The following SLC25A21 variants were observed in gnomAD, a reference collection of about 807,000 sequenced individuals.
The protein encoded by SLC25A21 is solute carrier family 25 member 21.
Under a neutral mutation model 43.8 loss-of-function variants are expected in SLC25A21, and 47 were observed. The ratio of observed to expected loss-of-function variants is 1.07; its 90% CI spans 0.85 to 1.37. The LOEUF is 1.37. Among genes scored for constraint, SLC25A21 ranks in the 40% most tolerant of loss-of-function variants. The pLI is 0.00. For synonymous variants in SLC25A21, 131 were observed against 121.3 expected, an observed-to-expected ratio of 1.08 and a Z score of -0.52; for missense variants, 352 against 350.2, an observed-to-expected ratio of 1.00 and a Z score of -0.04.
Position 36,697,738 on chromosome 14 carries a change from C to CTTTTTTTTTTTTTTTTTTT in SLC25A21, c.604-12814_604-12813insAAAAAAAAAAAAAAAAAAA, listed in dbSNP as rs757711209. Among the ~76,000 whole-genome samples the CTTTTTTTTTTTTTTTTTTT allele has an allele frequency of 3.0e-4, 34 of 111,624 alleles. 1 individual carries two copies. The highest frequency in any genetic ancestry group is 6.2e-4 in the South Asian group (2 of 3,206). 73.2% of individuals were successfully genotyped at this position (111,624 alleles called of 152,430 possible). On this transcript the variant is annotated intron_variant, in intron 7 of 9. Transcript: ENST00000331299. ...TCTGAGACTAGGATTGCAAGCCCTACTTTTTTTTTTTGCTTTCCATTTGCT... is the reference window on the plus strand; with the variant it reads ...TCTGAGACTAGGATTGCAAGCCCTACTTTTTTTTTTTTTTTTTTTTTTTTTTTTTTGCTTTCCATTTGCT...
intron 2 of SLC25A21, among the ~76,000 whole-genome samples, chr14:36,827,332 GAGAA>G (rs1020122841): frequency 5.9e-5 from 9 of 152,118 alleles, no homozygotes; most frequent in Admixed American, 1.3e-4. Flanking sequence ...TGGAAGAAAA[GAGAA>G]AGAAAGAAAA....
At chr14:36,972,387 T>C (rs1289684710) in intron 1 of SLC25A21, among the ~76,000 whole-genome samples, 1 of 152,236 alleles carries the variant, frequency 6.6e-6, no homozygotes, top group Non-Finnish European at 1.5e-5. Flanking sequence ...TGTATAAATA[T>C]GCTGGATACC....
intron 1 of SLC25A21, among the ~76,000 whole-genome samples, chr14:36,927,046 T>C (rs769717539): frequency 1.3e-5 from 2 of 152,132 alleles, no homozygotes; most frequent in Non-Finnish European, 2.9e-5. Flanking sequence ...CGTGTGTGCC[T>C]GTTGTCCCAG....
intron 1 of SLC25A21, among the ~76,000 whole-genome samples, chr14:36,884,977 C>T (rs2682834): frequency 0.8 from 122,388 of 152,120 alleles, 49,903 homozygotes; most frequent in Non-Finnish European, 0.87. Context: ...TTTAGTTTGG[C>T]GCAATTCCAT....
chr14:37,059,857 A>C (rs1311532509), intron 1 of SLC25A21, among the ~76,000 whole-genome samples: 2 of 152,154 alleles, frequency 1.3e-5, no homozygotes, highest in Non-Finnish European at 2.9e-5. Flanking sequence ...TCCAGATCCA[A>C]ACCTGGAAAC....
intron 3 of SLC25A21, among the ~76,000 whole-genome samples, chr14:36,780,507 C>T (rs1887015911): frequency 6.6e-6 from 1 of 151,926 alleles, no homozygotes; most frequent in Non-Finnish European, 1.5e-5. Context: ...TTGCTGCATT[C>T]CATAAGTTTT....
chr14:36,737,460 C>T (rs993926688), intron 3 of SLC25A21, among the ~76,000 whole-genome samples: 1 of 152,134 alleles, frequency 6.6e-6, no homozygotes, highest in Non-Finnish European at 1.5e-5. Flanking sequence ...CCCCTCCTCC[C>T]ATACCACCAT....
intron 1 of SLC25A21, among the ~76,000 whole-genome samples, chr14:36,944,319 T>C (rs17105737): frequency 0.043 from 6,591 of 152,194 alleles, 289 homozygotes; most frequent in Middle Eastern, 0.14. Context: ...CAGTGGGCTT[T>C]GAGAAATTGT....
intron 1 of SLC25A21, among the ~76,000 whole-genome samples, chr14:37,052,657 G>A (rs1229399588): frequency 2.1e-5 from 3 of 146,232 alleles, no homozygotes; most frequent in Admixed American, 6.8e-5. Flanking sequence ...TTTTCCCCCC[G>A]AGACAGAGTC....
At chr14:36,970,480 T>C (rs952242311) in intron 1 of SLC25A21, among the ~76,000 whole-genome samples, 12 of 152,226 alleles carry the variant, frequency 7.9e-5, no homozygotes, top group African/African-American at 2.9e-4. Flanking sequence ...TTTTAATTAC[T>C]AGTATAATAA....
chr14:36,981,775 C>T (rs894081791), intron 1 of SLC25A21, among the ~76,000 whole-genome samples: 5 of 152,080 alleles, frequency 3.3e-5, no homozygotes, highest in African/African-American at 7.2e-5. Flanking sequence ...CAACATGGCA[C>T]ATGTATACAT....
Position 36,678,595 on chromosome 14 carries a change from C to A in SLC25A21, c.*2063G>T. The A allele has an allele frequency of 6.6e-7, 1 of 1,508,808 alleles. No individual in the cohort carries two copies. The highest frequency in any genetic ancestry group is 8.8e-7 in the Non-Finnish European group (1 of 1,133,696). The allele number at this position is 1,508,808 out of a possible 1,614,324, so 93.5% of individuals were successfully genotyped here. A position where few individuals can be genotyped will look rare whatever the true frequency, so the allele number is the denominator to read the frequency against. ...AGGGACTCTCCTGTCATCTGAAAAA[C>A]TGATGTAAGGTACAGAACTATTCTT... is the stretch of plus-strand genomic sequence containing the variant. On this transcript the variant is annotated 3_prime_UTR_variant, in exon 10 of 10. Coordinates refer to ENST00000331299, the MANE Select transcript of SLC25A21 (RefSeq NM_030631.4).
intron 7 of SLC25A21, among the ~76,000 whole-genome samples, chr14:36,695,252 T>A (rs1471790936): frequency 6.6e-6 from 1 of 152,198 alleles, no homozygotes; most frequent in Non-Finnish European, 1.5e-5. Context: ...AGGCCTCTGT[T>A]CTGTTCCATT....
chr14:36,764,143 G>GGAAAGAAA lies in SLC25A21; in HGVS notation c.204-29578_204-29571dup, dbSNP rs1233360789. ...AGGAAAGAAGGAAAGAAGGAAAGAA[G>GGAAAGAAA]GAAAGAAAGAAAGAAAGAAAGAAAG... On this transcript the variant is annotated intron_variant, in intron 3 of 9. Coordinates refer to ENST00000331299, the MANE Select transcript of SLC25A21 (RefSeq NM_030631.4). Among the ~76,000 whole-genome samples the GGAAAGAAA allele has an allele frequency of 3.5e-3, 119 of 33,842 alleles. 1 individual carries two copies. The highest frequency in any genetic ancestry group is 5.3e-3 in the Admixed American group (13 of 2,464). The allele number at this position is 33,842 out of a possible 152,430, so 22.2% of individuals were successfully genotyped here. A position where few individuals can be genotyped will look rare whatever the true frequency, so the allele number is the denominator to read the frequency against.
At chr14:37,097,285 G>A (rs1962716965) in intron 1 of SLC25A21, 2 of 151,936 alleles carry the variant, frequency 1.3e-5, no homozygotes, top group South Asian at 2.1e-4. Flanking sequence ...ATTTTTAGTA[G>A]GGACAGCATT....
chr14:37,102,537 T>C (rs1467895512), intron 1 of SLC25A21, among the ~76,000 whole-genome samples: 1 of 152,108 alleles, frequency 6.6e-6, no homozygotes, highest in Admixed American at 6.6e-5. Context: ...AGCTGTTGCA[T>C]TATTACTGGA....
At chr14:36,905,322 T>C (rs1350863298) in intron 1 of SLC25A21, among the ~76,000 whole-genome samples, 5 of 152,166 alleles carry the variant, frequency 3.3e-5, no homozygotes, top group Non-Finnish European at 2.9e-5. Flanking sequence ...TAGAGTGAGG[T>C]TGCACTGTAA....
intron 1 of SLC25A21, among the ~76,000 whole-genome samples, chr14:36,919,594 A>C (rs1891920686): frequency 2.0e-5 from 3 of 151,450 alleles, no homozygotes; most frequent in Non-Finnish European, 4.4e-5. Context: ...CAATCTAAAG[A>C]CTTGAAAAAT....
chr14:36,708,576 C>G (rs1475617972), intron 7 of SLC25A21, among the ~76,000 whole-genome samples: 1 of 152,016 alleles, frequency 6.6e-6, no homozygotes, highest in Non-Finnish European at 1.5e-5. Flanking sequence ...CATCTGGGAC[C>G]ACAGGCACTC....
Sources: allele counts gnomAD v4.1 joint callset (sites outside exome capture counted in the v4.1 genomes callset), GRCh38; gene constraint gnomAD v4.1.1; transcripts MANE v1.5; gene names NCBI Gene and HGNC (gene_info 2026-07-23, HGNC 2026-07-21).